MARK4: variants seen among roughly 807,000 people sequenced by gnomAD.
MARK4 encodes microtubule affinity regulating kinase 4, also known as MAP/microtubule affinity-regulating kinase 4.
In MARK4, 19 loss-of-function variants were observed where a neutral mutation model predicts 81.5. The observed-to-expected ratio is 0.23, with a 90% confidence interval of 0.16 to 0.34. The LOEUF (loss-of-function observed/expected upper bound fraction) is 0.34, where lower values mean the gene tolerates loss of function less well. MARK4 is among the 10% of genes least tolerant of loss of function. MARK4 has a pLI of 1.00. For synonymous variants in MARK4, 436 were observed against 439.0 expected (o/e 0.99, Z 0.08); for missense variants, 772 against 1,058.8 (o/e 0.73, Z 3.76).
intron 3 of MARK4, 48 bp downstream of exon 3, chr19:45,263,214 G>A (rs1390349315): frequency 2.5e-6 from 4 of 1,613,324 alleles, no homozygotes; most frequent in Non-Finnish European, 3.4e-6. Flanking sequence ...TTCCGGCACA[G>A]CCGGGTGACC....
intron 13 of MARK4, among the ~76,000 whole-genome samples, chr19:45,289,008 C>T (rs932866809): frequency 1.3e-5 from 2 of 152,244 alleles, no homozygotes; most frequent in South Asian, 2.1e-4. Context: ...AGGCTGGTCA[C>T]GGCAGGTTAC....
At chr19:45,285,155 A>C (rs1243944914) in intron 12 of MARK4, among the ~76,000 whole-genome samples, 1 of 148,186 alleles carries the variant, frequency 6.7e-6, no homozygotes, top group Non-Finnish European at 1.5e-5. Flanking sequence ...GCTACTTGAG[A>C]GGCTGAGGTG....
At chr19:45,262,038 A>G (rs1436340654) in intron 2 of MARK4, among the ~76,000 whole-genome samples, 1 of 152,190 alleles carries the variant, frequency 6.6e-6, no homozygotes, top group Non-Finnish European at 1.5e-5. Flanking sequence ...AGTTGTGTTT[A>G]AGAGGTAGAT....
At chr19:45,292,528 T>C (rs933495638) in intron 13 of MARK4, among the ~76,000 whole-genome samples, 1 of 152,094 alleles carries the variant, frequency 6.6e-6, no homozygotes, top group Non-Finnish European at 1.5e-5. Context: ...TTGTTATTGC[T>C]AAACGAAACC....
chr19:45,268,824 A>C (rs940596328), intron 7 of MARK4, among the ~76,000 whole-genome samples: 4 of 152,132 alleles, frequency 2.6e-5, no homozygotes, highest in African/African-American at 7.2e-5. Flanking sequence ...AACAAAAAAC[A>C]AATTGCTATA....
chr19:45,252,267 T>C (rs1431226720), intron 1 of MARK4, among the ~76,000 whole-genome samples: 1 of 152,106 alleles, frequency 6.6e-6, no homozygotes, highest in East Asian at 1.9e-4. Context: ...GTCCCAGGCC[T>C]GGTCCCCATC....
chr19:45,275,027 G>T (rs1186321659), intron 8 of MARK4, among the ~76,000 whole-genome samples: 1 of 152,178 alleles, frequency 6.6e-6, no homozygotes, highest in Non-Finnish European at 1.5e-5. Flanking sequence ...TTGGGTGGCC[G>T]AGGCGGGCAG....
chr19:45,271,512 T>C lies in MARK4; in HGVS notation c.590T>C (p.Ile197Thr), dbSNP rs1010263943. ...LLLDAEANIK[I>T]ADFGFSNEFT... is the part of the protein sequence containing the mutation. ...CTGGATGCCGAGGCCAACATCAAGA[T>C]TGCTGACTTTGGCTTCAGCAACGAG... Residue 197 changes from isoleucine to threonine, a missense_variant, in exon 8 of 17, where the codon ATT (isoleucine) becomes ACT (threonine). By Grantham distance (89) the Ile-to-Thr change is moderately conservative. Coordinates refer to ENST00000262891, the MANE Select transcript of MARK4 (RefSeq NM_001199867.2). This position sits in a 1 kb window ranked among gnomAD's most constrained non-coding sequence, Gnocchi z 4.1. 1 of 1,614,064 alleles carries C rather than the reference T, an allele frequency of 6.2e-7. No individual in the cohort carries two copies. The highest frequency in any genetic ancestry group is 1.3e-5 in the African/African-American group (1 of 74,922).
chr19:45,287,959 CCAGGCACAGTGGCTCATG>C, intron 13 of MARK4: 1 of 449,318 alleles, frequency 2.2e-6, no homozygotes. Flanking sequence ...GTGGGAAAGG[CCAGGCACAGTGGCTCATG>C]CTTGTAATCC....
At chr19:45,265,333 A>C (rs1970437552) in intron 6 of MARK4, among the ~76,000 whole-genome samples, 1 of 146,554 alleles carries the variant, frequency 6.8e-6, no homozygotes, top group Non-Finnish European at 1.5e-5. Flanking sequence ...TGGGGAAGAG[A>C]GTGTAGGGCA....
In MARK4 at chr19:45,280,617, G is replaced by A. The variant is rs1255343271; in HGVS notation, c.1159G>A (p.Val387Met). 1.2e-6 allele frequency: 2 copies of A among 1,613,960 alleles called. No individual in the cohort carries two copies. The highest frequency in any genetic ancestry group is 1.7e-6 in the Non-Finnish European group (2 of 1,179,992). ...CGCCCCAGGGCTGGCCCTGGCACGG[G>A]TGCGGGCGCCCAGCGACACCACCAA... is the stretch of plus-strand genomic sequence containing the variant. ...RGAPGLALAR[V>M]RAPSDTTNGT... The change falls in exon 12 of 17, where the codon GTG becomes ATG. Residue 387 changes from valine (V) to methionine (M), a missense_variant. Coordinates refer to ENST00000262891, the MANE Select transcript of MARK4 (RefSeq NM_001199867.2).
At chr19:45,280,220 G>C in intron 10 of MARK4, 154 bp from the exon 11 acceptor site, 1 of 661,322 alleles carries the variant, frequency 1.5e-6, no homozygotes, top group Non-Finnish European at 2.7e-6. Flanking sequence ...AGGATCAGCA[G>C]AGCCTGGGGA....
chr19:45,281,901 A>G (rs1001746675), intron 12 of MARK4, among the ~76,000 whole-genome samples: 1 of 152,098 alleles, frequency 6.6e-6, no homozygotes, highest in African/African-American at 2.4e-5. Context: ...ACTGACAGAC[A>G]TCTCATCTGC....
chr19:45,267,052 A>G (rs921526625), intron 7 of MARK4, among the ~76,000 whole-genome samples: 12 of 151,158 alleles, frequency 7.9e-5, no homozygotes, highest in African/African-American at 2.4e-4. Context: ...GAACTTAAGA[A>G]GGCTTCGTTT....
intron 9 of MARK4, 79 bp downstream of exon 9, chr19:45,278,121 A>AG: frequency 6.3e-7 from 1 of 1,576,036 alleles, no homozygotes; most frequent in Non-Finnish European, 8.6e-7. Flanking sequence ...CACCCACAAA[A>AG]GCCTTCTTGA....
intron 7 of MARK4, among the ~76,000 whole-genome samples, chr19:45,267,145 G>A (rs1345522826): frequency 2.6e-5 from 4 of 151,928 alleles, no homozygotes; most frequent in Non-Finnish European, 2.9e-5. Flanking sequence ...TGCAACCTCC[G>A]CCTCCCGGGT....
intron 4 of MARK4, among the ~76,000 whole-genome samples, chr19:45,263,996 T>C (rs1410248079): frequency 1.3e-5 from 2 of 152,124 alleles, no homozygotes; most frequent in Non-Finnish European, 2.9e-5. Flanking sequence ...GTCATTATCA[T>C]TGGGCAGAGG....
intron 2 of MARK4, among the ~76,000 whole-genome samples, chr19:45,262,372 C>T (rs949226890): frequency 2.0e-5 from 3 of 151,218 alleles, no homozygotes; most frequent in East Asian, 1.9e-4. Context: ...GGGGTGGGTG[C>T]GGAGAATGGG....
At chr19:45,298,838 G>A (rs1374688727) in intron 15 of MARK4, among the ~76,000 whole-genome samples, 2 of 152,070 alleles carry the variant, frequency 1.3e-5, no homozygotes, top group Non-Finnish European at 2.9e-5. Context: ...CACTTTGGGA[G>A]GCTGAGGCGA....
Sources: gnomAD v4.1 joint callset for allele counts (sites outside exome capture counted in the v4.1 genomes callset) on GRCh38, gnomAD v4.1.1 for gene constraint, Gnocchi (gnomAD v3.1) non-coding constraint, MANE v1.5 for transcripts, NCBI Gene and HGNC (gene_info 2026-07-23, HGNC 2026-07-21) for gene names.